The following ST6GALNAC5 variants were observed in gnomAD, a reference collection of about 807,000 sequenced individuals.
ST6GALNAC5 encodes the protein alpha-N-acetylgalactosaminide alpha-2,6-sialyltransferase 5.
ST6GALNAC5 carries 27 observed loss-of-function variants against 33.6 expected under a neutral mutation model. The ratio of observed to expected loss-of-function variants is 0.80; its 90% CI spans 0.59 to 1.11. ST6GALNAC5 has a LOEUF of 1.11. ST6GALNAC5 is among the 50% of genes least tolerant of loss of function. The probability of loss-of-function intolerance (pLI) is 0.00; values close to 1 mark genes in which losing one functional copy is unlikely to be tolerated. For missense variants in ST6GALNAC5, 428 were observed against 454.0 expected, an observed-to-expected ratio of 0.94 and a Z score of 0.52; for synonymous variants, 194 against 171.2, an observed-to-expected ratio of 1.13 and a Z score of -1.04.
At chr1:77,020,033 A>G (rs1242050119) in intron 2 of ST6GALNAC5, among the ~76,000 whole-genome samples, 1 of 152,232 alleles carries the variant, frequency 6.6e-6, no homozygotes, top group Non-Finnish European at 1.5e-5. Context: ...TTTTTATTAT[A>G]AAAATAATGT....
chr1:76,973,416 TTTATTATTATTA>T (rs144074793), intron 2 of ST6GALNAC5, among the ~76,000 whole-genome samples: 3 of 148,550 alleles, frequency 2.0e-5, no homozygotes, highest in Non-Finnish European at 4.5e-5. Flanking sequence ...AGCAGTCAGG[TTTATTATTATTA>T]TTATTATTAT....
chr1:76,988,854 G>T (rs150508606), intron 2 of ST6GALNAC5, among the ~76,000 whole-genome samples: 1 of 151,700 alleles, frequency 6.6e-6, no homozygotes, highest in African/African-American at 2.4e-5. Flanking sequence ...TCTTTTATTG[G>T]TTCCCACAAA....
At chr1:76,872,527 A>G (rs1653534418) in intron 2 of ST6GALNAC5, among the ~76,000 whole-genome samples, 1 of 152,130 alleles carries the variant, frequency 6.6e-6, no homozygotes, top group Non-Finnish European at 1.5e-5. Context: ...TAATAGTACT[A>G]TTACTATTAA....
intron 2 of ST6GALNAC5, among the ~76,000 whole-genome samples, chr1:76,998,177 T>C (rs1415251559): frequency 2.0e-5 from 3 of 152,100 alleles, no homozygotes; most frequent in Non-Finnish European, 2.9e-5. Context: ...GAAAACAGAC[T>C]AATACAGTAA....
chr1:76,983,165 T>A (rs1649328561), intron 2 of ST6GALNAC5, among the ~76,000 whole-genome samples: 1 of 152,016 alleles, frequency 6.6e-6, no homozygotes, highest in Non-Finnish European at 1.5e-5. Context: ...ATAACAATAA[T>A]AACTTTAAAT....
At chr1:77,034,226 C>T (rs763822186) in intron 2 of ST6GALNAC5, among the ~76,000 whole-genome samples, 2 of 152,094 alleles carry the variant, frequency 1.3e-5, no homozygotes, top group Non-Finnish European at 2.9e-5. Context: ...CTTCCAGCTT[C>T]TGGTGGTTGC....
intron 2 of ST6GALNAC5, among the ~76,000 whole-genome samples, chr1:76,894,618 A>T (rs982968637): frequency 6.6e-6 from 1 of 152,204 alleles, no homozygotes; most frequent in African/African-American, 2.4e-5. Flanking sequence ...ATTTTTCACA[A>T]TGTCATCTTT....
intron 2 of ST6GALNAC5, among the ~76,000 whole-genome samples, chr1:76,889,359 T>C (rs2100246458): frequency 6.6e-6 from 1 of 152,220 alleles, no homozygotes; most frequent in East Asian, 1.9e-4. Flanking sequence ...ACCTGAATAT[T>C]ACCCATGATT....
At chr1:76,996,774 T>C (rs1467256190) in intron 2 of ST6GALNAC5, among the ~76,000 whole-genome samples, 5 of 152,170 alleles carry the variant, frequency 3.3e-5, no homozygotes, top group Non-Finnish European at 7.3e-5. Context: ...ATATTTTATC[T>C]TTTCCCTTAT....
At chr1:76,943,447 C>G (rs1249642945) in intron 2 of ST6GALNAC5, among the ~76,000 whole-genome samples, 1 of 152,054 alleles carries the variant, frequency 6.6e-6, no homozygotes, top group African/African-American at 2.4e-5. Flanking sequence ...GTACTAATCT[C>G]TCTACTCTGA....
chr1:76,960,940 A>T (rs1389974031), intron 2 of ST6GALNAC5, among the ~76,000 whole-genome samples: 1 of 152,168 alleles, frequency 6.6e-6, no homozygotes, highest in Non-Finnish European at 1.5e-5. Flanking sequence ...CTGAGGCGAC[A>T]TACATCCCCC....
chr1:77,022,494 G>A (rs1409607204), intron 2 of ST6GALNAC5, among the ~76,000 whole-genome samples: 3 of 152,070 alleles, frequency 2.0e-5, no homozygotes, highest in Admixed American at 2.0e-4. Context: ...GAAAATAGAG[G>A]GAATCATGGG....
At chr1:76,908,096 C>A (rs554748105) in intron 2 of ST6GALNAC5, among the ~76,000 whole-genome samples, 14 of 152,176 alleles carry the variant, frequency 9.2e-5, no homozygotes, top group African/African-American at 2.6e-4. Flanking sequence ...CCTTATCCCA[C>A]CTATGGCTCC....
rs1652175503 is a variant in ST6GALNAC5, at chr1:77,050,255, C to T, written c.672-3C>T. 6.2e-7 allele frequency: 1 copy of T among 1,613,086 alleles called. No homozygotes were observed. The highest frequency in any genetic ancestry group is 1.1e-5 in the South Asian group (1 of 91,016). On this transcript the variant is annotated splice_polypyrimidine_tract_variant and splice_region_variant and intron_variant, in intron 3 of 4. Coordinates refer to ENST00000477717, the MANE Select transcript of ST6GALNAC5 (RefSeq NM_030965.3). The stretch of plus-strand genomic sequence containing the variant: ...TTGCAGACTTAATTATTGTTCCTTC[C>T]AGGAAGATATCCAACACTTGGCTCA...
At chr1:77,019,610 G>T (rs1044471747) in intron 2 of ST6GALNAC5, among the ~76,000 whole-genome samples, 2 of 152,202 alleles carry the variant, frequency 1.3e-5, no homozygotes, top group East Asian at 3.9e-4. Flanking sequence ...CTTCTGCACA[G>T]AATTTATAAT....
chr1:76,921,062 G>C (rs940539718), intron 2 of ST6GALNAC5, among the ~76,000 whole-genome samples: 1 of 152,138 alleles, frequency 6.6e-6, no homozygotes, highest in South Asian at 2.1e-4. Context: ...ATTTTAGTGG[G>C]AATTATGCCT....
At chr1:76,998,190 T>G (rs1022015553) in intron 2 of ST6GALNAC5, among the ~76,000 whole-genome samples, 1 of 152,070 alleles carries the variant, frequency 6.6e-6, no homozygotes, top group Non-Finnish European at 1.5e-5. Context: ...TACAGTAAAT[T>G]GGTACCAGGA....
intron 2 of ST6GALNAC5, among the ~76,000 whole-genome samples, chr1:76,998,747 G>T (rs1160811761): frequency 6.6e-6 from 1 of 150,770 alleles, no homozygotes; most frequent in Non-Finnish European, 1.5e-5. Context: ...GGCATTAAAA[G>T]TTCCATGACT....
At chr1:77,022,155 C>T (rs921077107) in intron 2 of ST6GALNAC5, among the ~76,000 whole-genome samples, 4 of 152,118 alleles carry the variant, frequency 2.6e-5, no homozygotes, top group Admixed American at 2.0e-4. Context: ...TTTCACTTGC[C>T]ATTGAATCCA....
Sources: allele counts gnomAD v4.1 joint callset (sites outside exome capture counted in the v4.1 genomes callset), GRCh38; gene constraint gnomAD v4.1.1; transcripts MANE v1.5; gene names NCBI Gene and HGNC (gene_info 2026-07-23, HGNC 2026-07-21).